The following NBAS variants were observed in gnomAD, a reference collection of about 807,000 sequenced individuals.
NBAS encodes NBAS subunit of NRZ tethering complex.
A neutral mutation model predicts 302.5 loss-of-function variants in NBAS; 219 were observed. The ratio of observed to expected loss-of-function variants is 0.72; its 90% CI spans 0.65 to 0.81. The LOEUF is 0.81. Among genes scored for constraint, NBAS ranks in the 30% least tolerant of loss-of-function variants. The pLI, the probability that NBAS is intolerant of heterozygous loss-of-function variation, is 0.00. For missense variants in NBAS, 2,932 were observed against 2,841.6 expected (o/e 1.03, Z -0.72); for synonymous variants, 1,118 against 1,021.6 (o/e 1.09, Z -1.80).
At chr2:15,040,173 T>C in the NBAS span, among the ~76,000 whole-genome samples, 124,622 of 151,690 alleles carry the variant, frequency 0.82, 51,533 homozygotes, top group East Asian at 0.99. Flanking sequence ...CTCAAGAGCG[T>C]GGACTGTTTT....
the NBAS span, among the ~76,000 whole-genome samples, chr2:15,002,327 T>C: frequency 2.6e-5 from 4 of 152,242 alleles, no homozygotes; most frequent in Admixed American, 6.5e-5. Flanking sequence ...ACAGTGTCGA[T>C]TGGTGCATTC....
chr2:15,540,274 A>G lies in NBAS; in HGVS notation c.380-918T>C, dbSNP rs556473621. The stretch of plus-strand genomic sequence containing the variant: ...CAGAACATCAGCATCCTGTCTTTCC[A>G]TGCAGTGCAGGTGTCATTACAACAC... On this transcript the variant is annotated intron_variant, in intron 6 of 51. Coordinates refer to ENST00000281513, the MANE Select transcript of NBAS (RefSeq NM_015909.4). Among the ~76,000 whole-genome samples, 11 of 152,154 alleles carry G rather than the reference A, an allele frequency of 7.2e-5. 1 individual carries two copies. In the South Asian group the frequency reaches 1.5e-3, roughly 20 times the overall value.
the NBAS span, among the ~76,000 whole-genome samples, chr2:15,157,889 T>C: frequency 3.9e-5 from 6 of 152,212 alleles, no homozygotes; most frequent in East Asian, 1.2e-3. Flanking sequence ...AACATAAGAG[T>C]ATCACATTAT....
Position 15,246,258 on chromosome 2 carries a change from G to T in NBAS, c.5725-7572C>A, listed in dbSNP as rs1191725574. Among the ~76,000 whole-genome samples the T allele has an allele frequency of 2.0e-5, 3 of 152,244 alleles. No individual in the cohort carries two copies. In the East Asian group the frequency reaches 5.8e-4, roughly 29 times the overall value. ...CCTGTGTTTCTGGAATCAGTGCAGG[G>T]GTTCACTCCTCTGAGGAGCCTTCCT... is the stretch of plus-strand genomic sequence containing the variant. On this transcript the variant is annotated intron_variant, in intron 44 of 51. Coordinates refer to ENST00000281513, the MANE Select transcript of NBAS (RefSeq NM_015909.4).
At chr2:15,333,815 G>A (rs1672458006) in intron 35 of NBAS, among the ~76,000 whole-genome samples, 1 of 147,008 alleles carries the variant, frequency 6.8e-6, no homozygotes, top group Admixed American at 6.8e-5. Flanking sequence ...AATTGTTTGT[G>A]AAGCAAGGTT....
At chr2:15,090,624 T>C in the NBAS span, among the ~76,000 whole-genome samples, 1 of 152,206 alleles carries the variant, frequency 6.6e-6, no homozygotes, top group Non-Finnish European at 1.5e-5. Flanking sequence ...TCTTGTTACC[T>C]TTCCAGCCTC....
the NBAS span, among the ~76,000 whole-genome samples, chr2:14,805,827 C>T: frequency 6.6e-6 from 1 of 152,134 alleles, no homozygotes; most frequent in East Asian, 1.9e-4. Context: ...GCCCATTGAT[C>T]CTTCAGTGCA....
At chr2:15,423,035 G>C (rs1677287083) in intron 23 of NBAS, among the ~76,000 whole-genome samples, 1 of 152,140 alleles carries the variant, frequency 6.6e-6, no homozygotes, top group Non-Finnish European at 1.5e-5. Flanking sequence ...AACCTACGTG[G>C]AGTTGATCAT....
rs548405051 is a variant in NBAS, at chr2:15,508,675, T to A, written c.885+2537A>T. On this transcript the variant is annotated intron_variant, in intron 10 of 51. Transcript: ENST00000281513. Reference sequence around the variant, plus strand: ...TCTATGTATACAGACACACATAATTTAAAATTTTTTTTTTTACTGAATCAT... The same window carrying A: ...TCTATGTATACAGACACACATAATTAAAAATTTTTTTTTTTACTGAATCAT... Among the ~76,000 whole-genome samples, 469 of 151,864 alleles carry A rather than the reference T, an allele frequency of 3.1e-3. 1 individual carries two copies. Among genetic ancestry groups the A allele is most frequent in the African/African-American group, 0.01 (432 of 41,382 alleles).
chr2:15,496,146 A>T (rs1226232424), intron 11 of NBAS, among the ~76,000 whole-genome samples: 2 of 151,690 alleles, frequency 1.3e-5, no homozygotes, highest in African/African-American at 4.8e-5. Context: ...ATTATTCAGC[A>T]ATAAAAAGAA....
At chr2:15,221,302 G>A (rs1450723836) in intron 47 of NBAS, among the ~76,000 whole-genome samples, 3 of 152,154 alleles carry the variant, frequency 2.0e-5, no homozygotes, top group Non-Finnish European at 2.9e-5. Flanking sequence ...TGACACAGAC[G>A]AAGGTCCCAA....
intron 14 of NBAS, 94 bp from the exon 15 acceptor site, chr2:15,474,418 G>C (rs1280822018): frequency 1.6e-6 from 2 of 1,289,560 alleles, no homozygotes; most frequent in Non-Finnish European, 2.1e-6. Context: ...AATCTACTCT[G>C]GTTTGATTCA....
At chr2:14,796,494 C>T in the NBAS span, among the ~76,000 whole-genome samples, 1 of 152,114 alleles carries the variant, frequency 6.6e-6, no homozygotes, top group African/African-American at 2.4e-5. Context: ...TTTATGTGTT[C>T]TTTAATTTCT....
chr2:15,556,487 C>G (rs113786551), intron 3 of NBAS, among the ~76,000 whole-genome samples: 3,110 of 152,234 alleles, frequency 0.02, 98 homozygotes, highest in African/African-American at 0.068. Flanking sequence ...AAAAGATATG[C>G]AGGCTACAGA....
the NBAS span, among the ~76,000 whole-genome samples, chr2:14,886,122 C>T: frequency 6.6e-6 from 1 of 152,114 alleles, no homozygotes; most frequent in Admixed American, 6.5e-5. Context: ...ACACGCTTGG[C>T]TCTCATTGCC....
chr2:14,862,515 T>G, the NBAS span, among the ~76,000 whole-genome samples: 6 of 152,186 alleles, frequency 3.9e-5, no homozygotes, highest in Non-Finnish European at 7.3e-5. Context: ...CCTTATTTTC[T>G]TAACTGTGTA....
At chr2:15,151,466 C>T in the NBAS span, among the ~76,000 whole-genome samples, 1 of 152,188 alleles carries the variant, frequency 6.6e-6, no homozygotes, top group African/African-American at 2.4e-5. Context: ...CAATAGCTAA[C>T]TCAACTGCAA....
At chr2:15,128,162 A>G in the NBAS span, among the ~76,000 whole-genome samples, 3 of 152,210 alleles carry the variant, frequency 2.0e-5, no homozygotes, top group African/African-American at 7.2e-5. Context: ...AAAATAAAAA[A>G]AAAGCACAAC....
chr2:14,904,775 C>T, the NBAS span, among the ~76,000 whole-genome samples: 119 of 152,290 alleles, frequency 7.8e-4, no homozygotes, highest in Non-Finnish European at 1.4e-3. Flanking sequence ...CTAGGCCGGG[C>T]GCGGTGGCTC....
Sources: gnomAD v4.1 joint callset for allele counts (sites outside exome capture counted in the v4.1 genomes callset) on GRCh38, gnomAD v4.1.1 for gene constraint, MANE v1.5 for transcripts, NCBI Gene and HGNC (gene_info 2026-07-23, HGNC 2026-07-21) for gene names.